Variants in DLX6 observed in about 807,000 individuals in gnomAD.
DLX6 encodes the protein distal-less homeobox 6.
Under a neutral mutation model 33.5 loss-of-function variants are expected in DLX6, and 4 were observed. The observed-to-expected ratio is 0.12, with a 90% CI of 0.06 to 0.27. The LOEUF (loss-of-function observed/expected upper bound fraction) is 0.27, where lower values mean the gene tolerates loss of function less well. Ranked by LOEUF, DLX6 falls within the 10% of genes least tolerant of loss-of-function variation. DLX6 has a pLI of 1.00. For synonymous variants in DLX6, 184 were observed against 164.8 expected (o/e 1.12, Z -0.89); for missense variants, 382 against 393.3 (o/e 0.97, Z 0.24).
At position 97,009,954 on chromosome 7, in the gene DLX6, T is replaced by C; in HGVS notation, c.789T>C (p.Gly263=). ...GGGACGTTTCTGCCTCGGCCAAGGG[T>C]GTCAGTATGCCCCCCAACAGCTACA... is the stretch of plus-strand genomic sequence containing the variant. ...PVWDVSASAK[G]VSMPPNSYMP... The change falls in exon 3 of 3, where the codon GGT becomes GGC. Residue 263 remains glycine (G), a synonymous_variant. Transcript: ENST00000518156. The C allele has an allele frequency of 6.2e-7, 1 of 1,613,638 alleles. No individual in the cohort carries two copies. The highest frequency in any genetic ancestry group is 8.5e-7 in the Non-Finnish European group (1 of 1,179,752).
chr7:97,007,666 C>T lies in DLX6; in HGVS notation c.465C>T (p.Asn155=), dbSNP rs754678377. ...AACAAAAAACTACAGTGATTGAAAA[C>T]GGGGAAATCAGGTTCAATGGAAAAG... ...TDQQKTTVIE[N]GEIRFNGKGK... is the part of the protein sequence containing the mutation. The change falls in exon 2 of 3, where the codon AAC becomes AAT. Residue 155 remains asparagine, a synonymous_variant. Coordinates refer to ENST00000518156, the MANE Select transcript of DLX6 (RefSeq NM_005222.4). The T allele has an allele frequency of 2.4e-5, 38 of 1,612,064 alleles. No individual in the cohort carries two copies. Among genetic ancestry groups the T allele is most frequent in the Non-Finnish European group, 3.1e-5 (36 of 1,179,104 alleles).
intron 1 of DLX6, chr7:97,007,324 T>C: frequency 5.1e-6 from 3 of 588,922 alleles, no homozygotes; most frequent in Non-Finnish European, 9.0e-6. Flanking sequence ...GCTGCCGCCT[T>C]GCTGCGCTGC....
chr7:97,005,840 AT>A lies in DLX6; in HGVS notation c.-136del, dbSNP rs1789696834. Reference sequence around the variant, plus strand: ...GAACCACCTCCACCCCCCTCTTTAAATTCTTTTTTTTTTTTTTTTTTTTTTT... The same window carrying A: ...GAACCACCTCCACCCCCCTCTTTAAATCTTTTTTTTTTTTTTTTTTTTTTT... On this transcript the variant is annotated 5_prime_UTR_variant, in exon 1 of 3. Coordinates refer to ENST00000518156, the MANE Select transcript of DLX6 (RefSeq NM_005222.4). The A allele has an allele frequency of 3.2e-6, 2 of 627,006 alleles. No homozygotes were observed. The highest frequency in any genetic ancestry group is 7.4e-5 in the Admixed American group (2 of 26,872). 38.8% of individuals were successfully genotyped at this position (627,006 alleles called of 1,614,324 possible). A position where few individuals can be genotyped will look rare whatever the true frequency, so the allele number is the denominator to read the frequency against.
intron 2 of DLX6, among the ~76,000 whole-genome samples, chr7:97,009,545 G>A (rs1399752212): frequency 2.6e-5 from 4 of 152,038 alleles, no homozygotes; most frequent in African/African-American, 7.3e-5. Context: ...TTAAACCTAC[G>A]CTAGCACGCA....
Position 97,010,188 on chromosome 7 carries a change from C to T in DLX6, c.*141C>T. On this transcript the variant is annotated 3_prime_UTR_variant, in exon 3 of 3. Coordinates refer to ENST00000518156, the MANE Select transcript of DLX6 (RefSeq NM_005222.4). ...GCAAGAAGCCGACTAGGCTCATTCT[C>T]TCTCCCTCTCTCTCTCTCTCCCTCT... 2 of 854,492 alleles carry T rather than the reference C, an allele frequency of 2.3e-6. No homozygotes were observed. The highest frequency in any genetic ancestry group is 3.5e-6 in the Non-Finnish European group (2 of 577,556). The allele number at this position is 854,492 out of a possible 1,614,324, so 52.9% of individuals were successfully genotyped here. A position where few individuals can be genotyped will look rare whatever the true frequency, so the allele number is the denominator to read the frequency against.
Position 97,006,173 on chromosome 7 carries a change from G to A in DLX6, c.196G>A (p.Gly66Ser). 1 of 1,543,602 alleles carries A rather than the reference G, an allele frequency of 6.5e-7. No homozygotes were observed. The highest frequency in any genetic ancestry group is 8.8e-7 in the Non-Finnish European group (1 of 1,141,612). Residue 66 changes from glycine (G) to serine (S), a missense_variant, in exon 1 of 3, where the codon GGC (glycine) becomes AGC (serine). Gly to Ser is a moderately conservative substitution (Grantham distance 56). This residue lies in a region of DLX6 where 257 missense variants were observed against 206.9 expected (regional missense o/e 1.24). Transcript: ENST00000518156. ...HSQQSSPAMA[G>S]AHYPLHCLHS... is the part of the protein sequence containing the mutation. ...GCAGCAGAGCTCCCCGGCCATGGCA[G>A]GCGCGCACTACCCTCTGCACTGCCT...
In DLX6 at chr7:97,005,841, T is replaced by G; in HGVS notation, c.-137T>G. 9.8e-6 allele frequency: 6 copies of G among 609,986 alleles called. No homozygotes were observed. Among genetic ancestry groups the G allele is most frequent in the Non-Finnish European group, 1.3e-5 (5 of 397,400 alleles). The allele number at this position is 609,986 out of a possible 1,614,324, so 37.8% of individuals were successfully genotyped here. A position where few individuals can be genotyped will look rare whatever the true frequency, so the allele number is the denominator to read the frequency against. On this transcript the variant is annotated 5_prime_UTR_variant, in exon 1 of 3. Coordinates refer to ENST00000518156, the MANE Select transcript of DLX6 (RefSeq NM_005222.4). ...AACCACCTCCACCCCCCTCTTTAAA[T>G]TCTTTTTTTTTTTTTTTTTTTTTTT...
Position 97,006,097 on chromosome 7 carries a change from G to GCAA in DLX6, c.123_125dup (p.Gln44dup). 2 of 1,545,974 alleles carry GCAA rather than the reference G, an allele frequency of 1.3e-6. No homozygotes were observed. Among genetic ancestry groups the GCAA allele is most frequent in the Non-Finnish European group, 1.7e-6 (2 of 1,143,762 alleles). ...AGCAACAGCAGCAGCAGCAGCAGCA[G>GCAA]CAACAGCAACAGCCGCCGCCGCCGC... On this transcript the variant is annotated inframe_insertion, in exon 1 of 3. Transcript: ENST00000518156.
chr7:97,006,203 TCGG>T lies in DLX6; in HGVS notation c.240_242del (p.Ala83del), dbSNP rs753286015. ...GCACTACCCTCTGCACTGCCTGCACTCGGCGGCGGCGGCGGCAGCGGCCGGCTC... is the reference window on the plus strand; with the variant it reads ...GCACTACCCTCTGCACTGCCTGCACTCGGCGGCGGCGGCAGCGGCCGGCTC... On this transcript the variant is annotated inframe_deletion, in exon 1 of 3. Transcript: ENST00000518156. The T allele has an allele frequency of 2.1e-4, 314 of 1,487,116 alleles. No individual in the cohort carries two copies. Among genetic ancestry groups the T allele is most frequent in the South Asian group, 6.7e-4 (52 of 78,180 alleles). The allele number at this position is 1,487,116 out of a possible 1,614,324, so 92.1% of individuals were successfully genotyped here.
At chr7:97,007,466 G>T (rs1190628708) in intron 1 of DLX6, 172 bp from the exon 2 acceptor site, 10 of 686,852 alleles carry the variant, frequency 1.5e-5, no homozygotes, top group Non-Finnish European at 2.6e-5. Context: ...AGATTACGCA[G>T]ACGCTGGGAG....
rs1308527955 is a variant in DLX6, at chr7:97,006,226, C to G, written c.249C>G (p.Ala83=). ...CLHSAAAAAA[A]GSHHHHHHQH... is the part of the protein sequence containing the mutation. ...ACTCGGCGGCGGCGGCGGCAGCGGCCGGCTCGCACCACCACCACCACCACC... is the reference window on the plus strand; with the variant it reads ...ACTCGGCGGCGGCGGCGGCAGCGGCGGGCTCGCACCACCACCACCACCACC... The change falls in exon 1 of 3, where the codon GCC becomes GCG. Residue 83 remains alanine, a synonymous_variant. Coordinates refer to ENST00000518156, the MANE Select transcript of DLX6 (RefSeq NM_005222.4). 4.0e-6 allele frequency: 6 copies of G among 1,513,582 alleles called. No individual in the cohort carries two copies. Among genetic ancestry groups the G allele is most frequent in the Non-Finnish European group, 5.3e-6 (6 of 1,127,746 alleles). 93.8% of individuals were successfully genotyped at this position (1,513,582 alleles called of 1,614,324 possible). A position where few individuals can be genotyped will look rare whatever the true frequency, so the allele number is the denominator to read the frequency against.
chr7:97,007,957 T>G (rs1045381280), intron 2 of DLX6, 126 bp downstream of exon 2: 2 of 975,204 alleles, frequency 2.1e-6, no homozygotes, highest in Admixed American at 2.9e-5. Flanking sequence ...GACAAATGCC[T>G]TTTGCTCCAG....
chr7:97,006,228 G>A lies in DLX6; in HGVS notation c.251G>A (p.Gly84Asp), dbSNP rs1240621861. The change falls in exon 1 of 3, where the codon GGC becomes GAC. Residue 84 changes from glycine (G) to aspartate (D), a missense_variant. By Grantham distance (94) the Gly-to-Asp change is moderately conservative. Transcript: ENST00000518156. Reference protein sequence around the residue: ...LHSAAAAAAAGSHHHHHHQHH... With the variant: ...LHSAAAAAAADSHHHHHHQHH... ...TCGGCGGCGGCGGCGGCAGCGGCCG[G>A]CTCGCACCACCACCACCACCACCAG... 5.9e-6 allele frequency: 9 copies of A among 1,513,530 alleles called. No homozygotes were observed. The South Asian group carries it at 6.3e-5, about 11-fold the overall frequency. The allele number at this position is 1,513,530 out of a possible 1,614,324, so 93.8% of individuals were successfully genotyped here. A position where few individuals can be genotyped will look rare whatever the true frequency, so the allele number is the denominator to read the frequency against.
At chr7:97,006,436 C>G in intron 1 of DLX6, 23 bp downstream of exon 1, 6 of 1,292,484 alleles carry the variant, frequency 4.6e-6, no homozygotes, top group Non-Finnish European at 5.9e-6. Flanking sequence ...TGGGGCAGCT[C>G]GCTTCTCCCG....
chr7:97,009,711 T>C, intron 2 of DLX6, 85 bp from the exon 3 acceptor site: 3 of 1,535,310 alleles, frequency 2.0e-6, no homozygotes, highest in Non-Finnish European at 2.6e-6. Flanking sequence ...TTTTTGCTTT[T>C]TTAATATTGC....
In DLX6 at chr7:97,006,085, G is replaced by GCAGCAGCAGCAGCAACAGCAA. The variant is rs1317056230; in HGVS notation, c.113_133dup (p.Gln38_Gln44dup). On this transcript the variant is annotated inframe_insertion, in exon 1 of 3. Transcript: ENST00000518156. ...AGCAGCAGCAGCAGCAACAGCAGCA[G>GCAGCAGCAGCAGCAACAGCAA]CAGCAGCAGCAGCAACAGCAACAGC... is the stretch of plus-strand genomic sequence containing the variant. 6.4e-7 allele frequency: 1 copy of GCAGCAGCAGCAGCAACAGCAA among 1,559,808 alleles called. No individual in the cohort carries two copies. The highest frequency in any genetic ancestry group is 2.4e-5 in the East Asian group (1 of 41,518).
At chr7:97,007,340 C>T in intron 1 of DLX6, 1 of 597,736 alleles carries the variant, frequency 1.7e-6, no homozygotes, top group Non-Finnish European at 3.0e-6. Flanking sequence ...GCTGCGCACC[C>T]CAGAGAGCCT....
Position 97,005,673 on chromosome 7 carries a change from C to CG in DLX6, c.-299dup, listed in dbSNP as rs970018448. On this transcript the variant is annotated 5_prime_UTR_variant, in exon 1 of 3. Transcript: ENST00000518156. ...AAAAAATCCAAGGGGGGAAAGCAGG[C>CG]GGGGGGAGAGCAGATTCCCCCCTCC... 7.8e-5 allele frequency: 14 copies of CG among 180,126 alleles called. No homozygotes were observed. The highest frequency in any genetic ancestry group is 1.1e-4 in the Non-Finnish European group (10 of 87,206). The allele number at this position is 180,126 out of a possible 1,614,324, so 11.2% of individuals were successfully genotyped here.
At position 97,006,358 on chromosome 7, in the gene DLX6, C is replaced by T. The variant is rs1161397158; in HGVS notation, c.381C>T (p.Tyr127=). The T allele has an allele frequency of 2.7e-6, 4 of 1,484,506 alleles. No individual in the cohort carries two copies. The highest frequency in any genetic ancestry group is 2.8e-5 in the East Asian group (1 of 35,770). 92.0% of individuals were successfully genotyped at this position (1,484,506 alleles called of 1,614,324 possible). The change falls in exon 1 of 3, where the codon TAC becomes TAT. Residue 127 remains tyrosine (Y), a synonymous_variant. Coordinates refer to ENST00000518156, the MANE Select transcript of DLX6 (RefSeq NM_005222.4). The part of the protein sequence containing the change: ...PYMSHSQHSP[Y]LQSYHNSSAA... ...TGAGCCACTCGCAGCACAGCCCTTA[C>T]CTCCAGTCCTACCACAACAGCAGCG...
Sources: gnomAD v4.1 joint callset for allele counts (sites outside exome capture counted in the v4.1 genomes callset) on GRCh38, gnomAD v4.1.1 for gene constraint, gnomAD v4.1.1 regional missense constraint, MANE v1.5 for transcripts, NCBI Gene and HGNC (gene_info 2026-07-23, HGNC 2026-07-21) for gene names.